Variants in MAPK1IP1L observed in about 807,000 individuals in gnomAD.
The protein encoded by MAPK1IP1L is MAPK-interacting and spindle-stabilizing protein-like.
In MAPK1IP1L, 10 loss-of-function variants were observed where a neutral mutation model predicts 18.1. That is an observed-to-expected ratio of 0.55 (90% CI 0.34 to 0.94). The LOEUF (loss-of-function observed/expected upper bound fraction) is 0.94. Among genes scored for constraint, MAPK1IP1L ranks in the 40% least tolerant of loss-of-function variants. The pLI is 0.02. For missense variants in MAPK1IP1L, 260 were observed against 318.2 expected, an observed-to-expected ratio of 0.82 and a Z score of 1.39; for synonymous variants, 115 against 117.3, an observed-to-expected ratio of 0.98 and a Z score of 0.13.
In MAPK1IP1L at chr14:55,063,263, A is replaced by C; in HGVS notation, c.664A>C (p.Ser222Arg). The stretch of plus-strand genomic sequence containing the variant: ...CACACCAGGACTCTATCCTACTCCC[A>C]GTAATCCTTTCCAAGTGCCTTCAGG... ...YPTPGLYPTP[S>R]NPFQVPSGPS... Residue 222 changes from serine (S) to arginine (R), a missense_variant, in exon 3 of 4, where the codon AGT (serine) becomes CGT (arginine). Transcript: ENST00000395468. 1 of 1,614,148 alleles carries C rather than the reference A, an allele frequency of 6.2e-7. No homozygotes were observed. Among genetic ancestry groups the C allele is most frequent in the Non-Finnish European group, 8.5e-7 (1 of 1,180,008 alleles).
chr14:55,053,338 T>TA (rs2042745445), intron 1 of MAPK1IP1L, among the ~76,000 whole-genome samples: 1 of 152,240 alleles, frequency 6.6e-6, no homozygotes, highest in Non-Finnish European at 1.5e-5. Flanking sequence ...TATAGCTAGA[T>TA]AATCATACTT....
Position 55,064,559 on chromosome 14 carries a change from G to T in MAPK1IP1L, c.727-57G>T, listed in dbSNP as rs1189598154. ...AATTTACTTTAAGCCACAGTAAGGAGTTAATAAACTCCATTTGCAAAATCT... is the reference window on the plus strand; with the variant it reads ...AATTTACTTTAAGCCACAGTAAGGATTTAATAAACTCCATTTGCAAAATCT... On this transcript the variant is annotated intron_variant, in intron 3 of 3. Transcript: ENST00000395468. The T allele has an allele frequency of 1.5e-5, 23 of 1,510,734 alleles. No individual in the cohort carries two copies. The South Asian group carries it at 2.3e-4, about 15-fold the overall frequency. 93.6% of individuals were successfully genotyped at this position (1,510,734 alleles called of 1,614,324 possible). A position where few individuals can be genotyped will look rare whatever the true frequency, so the allele number is the denominator to read the frequency against.
intron 3 of MAPK1IP1L, among the ~76,000 whole-genome samples, chr14:55,064,108 A>G (rs1334065269): frequency 1.4e-5 from 2 of 142,276 alleles, no homozygotes; most frequent in Admixed American, 7.8e-5. Flanking sequence ...CTCAGGTTCA[A>G]GCGATTCTCC....
At chr14:55,052,375 A>G (rs576407334) in intron 1 of MAPK1IP1L, among the ~76,000 whole-genome samples, 2 of 152,334 alleles carry the variant, frequency 1.3e-5, no homozygotes, top group Non-Finnish European at 2.9e-5. Context: ...ATGACTTACT[A>G]GAGGAATTGC....
chr14:55,070,194 G>A lies in MAPK1IP1L; in HGVS notation c.*5567G>A, dbSNP rs2140265898. Reference sequence around the variant, plus strand: ...AAATAATAAGACCATTCTGGAGCAGGGCCAGTTTCTTTTTTTCCTGTTGTG... The same window carrying A: ...AAATAATAAGACCATTCTGGAGCAGAGCCAGTTTCTTTTTTTCCTGTTGTG... On this transcript the variant is annotated 3_prime_UTR_variant, in exon 4 of 4. Transcript: ENST00000395468. 1 of 152,228 alleles carries A rather than the reference G, an allele frequency of 6.6e-6. No homozygotes were observed. Among genetic ancestry groups the A allele is most frequent in the East Asian group, 1.9e-4 (1 of 5,184 alleles). The allele number at this position is 152,228 out of a possible 1,614,324, so 9.4% of individuals were successfully genotyped here.
In MAPK1IP1L at chr14:55,062,712, A is replaced by G; in HGVS notation, c.113A>G (p.Asn38Ser). ...GQPPQGWPGS[N>S]PWNNPSAPSS... is the part of the protein sequence containing the mutation. ...CCTCCTCAAGGCTGGCCAGGCTCCAACCCTTGGAATAATCCGAGTGCTCCA... is the reference window on the plus strand; with the variant it reads ...CCTCCTCAAGGCTGGCCAGGCTCCAGCCCTTGGAATAATCCGAGTGCTCCA... Residue 38 changes from asparagine (N) to serine (S), a missense_variant, in exon 3 of 4, where the codon AAC becomes AGC. By Grantham distance (46) the Asn-to-Ser change is conservative. Coordinates refer to ENST00000395468, the MANE Select transcript of MAPK1IP1L (RefSeq NM_144578.4). 2.5e-6 allele frequency: 4 copies of G among 1,614,020 alleles called. No individual in the cohort carries two copies. The South Asian group carries it at 4.4e-5, about 18-fold the overall frequency.
chr14:55,058,038 G>A (rs925384003), intron 1 of MAPK1IP1L, among the ~76,000 whole-genome samples: 3 of 152,210 alleles, frequency 2.0e-5, no homozygotes, highest in Non-Finnish European at 4.4e-5. Context: ...AATGGCTGGA[G>A]CCTTTCTTGG....
chr14:55,059,142 A>G (rs1337410955), intron 1 of MAPK1IP1L, among the ~76,000 whole-genome samples: 1 of 150,788 alleles, frequency 6.6e-6, no homozygotes, highest in African/African-American at 2.4e-5. Flanking sequence ...ATCTGTAAAT[A>G]TAATACATTT....
chr14:55,056,035 C>T (rs1001976862), intron 1 of MAPK1IP1L, among the ~76,000 whole-genome samples: 2 of 152,216 alleles, frequency 1.3e-5, no homozygotes, highest in Admixed American at 6.5e-5. Context: ...ATCACCCTAA[C>T]ATGAACGCTG....
Position 55,068,939 on chromosome 14 carries a change from C to T in MAPK1IP1L, c.*4312C>T, listed in dbSNP as rs1468279797. The T allele has an allele frequency of 6.6e-6, 1 of 151,748 alleles. No individual in the cohort carries two copies. The highest frequency in any genetic ancestry group is 2.4e-5 in the African/African-American group (1 of 41,276). The allele number at this position is 151,748 out of a possible 1,614,324, so 9.4% of individuals were successfully genotyped here. A position where few individuals can be genotyped will look rare whatever the true frequency, so the allele number is the denominator to read the frequency against. On this transcript the variant is annotated 3_prime_UTR_variant, in exon 4 of 4. Transcript: ENST00000395468. Reference sequence around the variant, plus strand: ...CCATTCATTATTAGTTTTACCTAAACGTGTTAGGATCACTACTGGTGGAAA... The same window carrying T: ...CCATTCATTATTAGTTTTACCTAAATGTGTTAGGATCACTACTGGTGGAAA...
At chr14:55,058,124 C>T (rs975289659) in intron 1 of MAPK1IP1L, among the ~76,000 whole-genome samples, 3 of 152,210 alleles carry the variant, frequency 2.0e-5, no homozygotes, top group East Asian at 1.9e-4. Flanking sequence ...CCTACACCCA[C>T]GCTCACAGAC....
chr14:55,055,469 C>T (rs1026100436), intron 1 of MAPK1IP1L, among the ~76,000 whole-genome samples: 2 of 152,158 alleles, frequency 1.3e-5, no homozygotes, highest in Non-Finnish European at 2.9e-5. Flanking sequence ...AAACTGAAGT[C>T]TGTATACACT....
Position 55,068,238 on chromosome 14 carries a change from T to C in MAPK1IP1L, c.*3611T>C, listed in dbSNP as rs911187394. ...AATAGTAATAGGGCAGAGAAAAGTA[T>C]ATATTTTGCCTCAGTCAGTCCCACC... On this transcript the variant is annotated 3_prime_UTR_variant, in exon 4 of 4. Coordinates refer to ENST00000395468, the MANE Select transcript of MAPK1IP1L (RefSeq NM_144578.4). 2 of 152,646 alleles carry C rather than the reference T, an allele frequency of 1.3e-5. No individual in the cohort carries two copies. The highest frequency in any genetic ancestry group is 4.8e-5 in the African/African-American group (2 of 41,456). The allele number at this position is 152,646 out of a possible 1,614,324, so 9.5% of individuals were successfully genotyped here.
At position 55,063,260 on chromosome 14, in the gene MAPK1IP1L, C is replaced by G. The variant is rs1227795897; in HGVS notation, c.661C>G (p.Pro221Ala). 2 of 1,614,190 alleles carry G rather than the reference C, an allele frequency of 1.2e-6. No individual in the cohort carries two copies. The highest frequency in any genetic ancestry group is 1.7e-6 in the Non-Finnish European group (2 of 1,180,024). The change falls in exon 3 of 4, where the codon CCC becomes GCC. Residue 221 changes from proline (P) to alanine (A), a missense_variant. Coordinates refer to ENST00000395468, the MANE Select transcript of MAPK1IP1L (RefSeq NM_144578.4). ...TCCCACACCAGGACTCTATCCTACTCCCAGTAATCCTTTCCAAGTGCCTTC... is the reference window on the plus strand; with the variant it reads ...TCCCACACCAGGACTCTATCCTACTGCCAGTAATCCTTTCCAAGTGCCTTC... ...SYPTPGLYPT[P>A]SNPFQVPSGP...
chr14:55,058,718 G>A (rs1003667188), intron 1 of MAPK1IP1L, among the ~76,000 whole-genome samples: 2 of 151,956 alleles, frequency 1.3e-5, no homozygotes, highest in African/African-American at 4.8e-5. Flanking sequence ...TATAATCCCA[G>A]TTACTCAGGA....
rs1280359862 is a variant in MAPK1IP1L, at chr14:55,066,958, T to A, written c.*2331T>A. The A allele has an allele frequency of 6.6e-6, 1 of 151,334 alleles. No homozygotes were observed. Among genetic ancestry groups the A allele is most frequent in the Non-Finnish European group, 1.5e-5 (1 of 67,926 alleles). The allele number at this position is 151,334 out of a possible 1,614,324, so 9.4% of individuals were successfully genotyped here. A position where few individuals can be genotyped will look rare whatever the true frequency, so the allele number is the denominator to read the frequency against. ...TGTCGCCCATGCTGGAGTGCAGTGG[T>A]GCTATCTTGGTTCACTGCAAGCTCC... On this transcript the variant is annotated 3_prime_UTR_variant, in exon 4 of 4. Coordinates refer to ENST00000395468, the MANE Select transcript of MAPK1IP1L (RefSeq NM_144578.4).
chr14:55,052,131 C>T (rs2042734160), intron 1 of MAPK1IP1L, among the ~76,000 whole-genome samples: 1 of 150,580 alleles, frequency 6.6e-6, no homozygotes, highest in African/African-American at 2.4e-5. Flanking sequence ...TCCCCCACCC[C>T]TTCCCGGCGG....
chr14:55,060,976 A>G (rs1465959061), intron 1 of MAPK1IP1L, among the ~76,000 whole-genome samples: 1 of 152,118 alleles, frequency 6.6e-6, no homozygotes, highest in African/African-American at 2.4e-5. Flanking sequence ...CTGTCTCTGC[A>G]ATAAATTTTT....
intron 1 of MAPK1IP1L, among the ~76,000 whole-genome samples, chr14:55,054,436 C>T (rs1403239306): frequency 6.6e-6 from 1 of 152,130 alleles, no homozygotes; most frequent in Admixed American, 6.5e-5. Flanking sequence ...AGCCGCCGCA[C>T]CCGGCCATTA....
Sources: gnomAD v4.1 joint callset for allele counts (sites outside exome capture counted in the v4.1 genomes callset) on GRCh38, gnomAD v4.1.1 for gene constraint, MANE v1.5 for transcripts, NCBI Gene and HGNC (gene_info 2026-07-23, HGNC 2026-07-21) for gene names.